The following FHIT variants were observed in gnomAD, a reference collection of about 807,000 sequenced individuals.
FHIT encodes bis(5'-adenosyl)-triphosphatase.
FHIT carries 19 observed loss-of-function variants against 17.9 expected under a neutral mutation model. That is an observed-to-expected ratio of 1.06 (90% confidence interval 0.74 to 1.56). The LOEUF is 1.56. Ranked by LOEUF, FHIT falls within the 40% of genes most tolerant of loss-of-function variation. The pLI is 0.00. For synonymous variants in FHIT, 81 were observed against 69.7 expected, an observed-to-expected ratio of 1.16 and a Z score of -0.81; for missense variants, 248 against 189.2, an observed-to-expected ratio of 1.31 and a Z score of -1.82.
At chr3:61,085,531 A>G (rs1308286538) in intron 2 of FHIT, among the ~76,000 whole-genome samples, 1 of 152,158 alleles carries the variant, frequency 6.6e-6, no homozygotes, top group African/African-American at 2.4e-5. Context: ...ATGCTTTATC[A>G]GATATGATTT....
At chr3:60,513,263 C>G (rs2035017353) in intron 5 of FHIT, among the ~76,000 whole-genome samples, 2 of 152,136 alleles carry the variant, frequency 1.3e-5, no homozygotes, top group African/African-American at 4.8e-5. Flanking sequence ...ACTGTTCTTT[C>G]AACTTTACTG....
intron 5 of FHIT, among the ~76,000 whole-genome samples, chr3:60,129,058 T>TTG (rs1328533442): frequency 2.2e-4 from 32 of 146,374 alleles, no homozygotes; most frequent in Non-Finnish European, 3.0e-5. Context: ...TGTTTGTTTT[T>TTG]TTTTTTTTTT....
At chr3:60,338,588 C>CA (rs1359120513) in intron 5 of FHIT, among the ~76,000 whole-genome samples, 1 of 151,940 alleles carries the variant, frequency 6.6e-6, no homozygotes, top group Non-Finnish European at 1.5e-5. Flanking sequence ...TGCTGCCTTC[C>CA]AAAAAAGAGT....
chr3:60,670,266 T>TA (rs1273539650), intron 4 of FHIT, among the ~76,000 whole-genome samples: 1 of 152,126 alleles, frequency 6.6e-6, no homozygotes, highest in Non-Finnish European at 1.5e-5. Flanking sequence ...TCTTGATAAG[T>TA]AAAAAATAGG....
chr3:61,170,039 A>G (rs2037957318), intron 2 of FHIT, among the ~76,000 whole-genome samples: 1 of 152,244 alleles, frequency 6.6e-6, no homozygotes, highest in Non-Finnish European at 1.5e-5. Flanking sequence ...TGCTAAAGCC[A>G]GGCTAGAAAG....
chr3:59,847,979 C>T (rs1043706795), intron 8 of FHIT, among the ~76,000 whole-genome samples: 4 of 152,112 alleles, frequency 2.6e-5, no homozygotes, highest in African/African-American at 9.7e-5. Flanking sequence ...CCTTTAAATT[C>T]CCTAGGAGTC....
At chr3:60,341,207 G>C (rs528770273) in intron 5 of FHIT, among the ~76,000 whole-genome samples, 6 of 152,090 alleles carry the variant, frequency 3.9e-5, no homozygotes, top group African/African-American at 7.2e-5. Flanking sequence ...GTTGTTTTGA[G>C]CTGGATATAT....
intron 6 of FHIT, 55 bp downstream of exon 6, chr3:60,013,952 A>T (rs1700237615): frequency 6.4e-7 from 1 of 1,567,932 alleles, no homozygotes; most frequent in South Asian, 1.1e-5. Context: ...GAGCAAGCCC[A>T]ATGCCGGGAT....
chr3:60,613,993 T>G (rs1474967692), intron 4 of FHIT, among the ~76,000 whole-genome samples: 2 of 151,436 alleles, frequency 1.3e-5, no homozygotes, highest in African/African-American at 2.4e-5. Context: ...TGGCAGAAAA[T>G]CAACAGAGCA....
chr3:60,612,608 C>T (rs192451716), intron 4 of FHIT, among the ~76,000 whole-genome samples: 31 of 152,226 alleles, frequency 2.0e-4, no homozygotes, highest in African/African-American at 6.0e-4. Context: ...TCACCCATTC[C>T]AAGTCTGAAG....
intron 8 of FHIT, among the ~76,000 whole-genome samples, chr3:59,768,287 C>G (rs1701900696): frequency 6.6e-6 from 1 of 152,180 alleles, no homozygotes; most frequent in Non-Finnish European, 1.5e-5. Context: ...ACTTACTGGT[C>G]CTGGACATGG....
intron 4 of FHIT, among the ~76,000 whole-genome samples, chr3:60,654,115 A>ATTTCCC (rs1553689010): frequency 2.1e-5 from 1 of 47,036 alleles, no homozygotes; most frequent in Non-Finnish European, 4.6e-5. Flanking sequence ...TTATGTGCCT[A>ATTTCCC]CTTCCCCTTC....
At chr3:59,915,791 G>C (rs140673977) in intron 8 of FHIT, among the ~76,000 whole-genome samples, 14 of 152,232 alleles carry the variant, frequency 9.2e-5, no homozygotes, top group African/African-American at 3.1e-4. Context: ...CATTAGCCAG[G>C]TGTGGTGGTA....
At chr3:59,793,588 A>C (rs1699658799) in intron 8 of FHIT, among the ~76,000 whole-genome samples, 1 of 152,162 alleles carries the variant, frequency 6.6e-6, no homozygotes, top group Admixed American at 6.6e-5. Context: ...CCTCCCCAGA[A>C]GCTCAGTCCT....
intron 5 of FHIT, among the ~76,000 whole-genome samples, chr3:60,213,673 A>G (rs1376627806): frequency 6.6e-6 from 1 of 152,194 alleles, no homozygotes; most frequent in Non-Finnish European, 1.5e-5. Flanking sequence ...TCTCCTAAAT[A>G]TATGCCCCAT....
At chr3:60,348,975 C>T (rs1314334318) in intron 5 of FHIT, among the ~76,000 whole-genome samples, 1 of 152,110 alleles carries the variant, frequency 6.6e-6, no homozygotes, top group African/African-American at 2.4e-5. Flanking sequence ...AGCACATTTG[C>T]CTAGGTGACC....
At chr3:61,023,133 A>T (rs1167171751) in intron 3 of FHIT, among the ~76,000 whole-genome samples, 1 of 152,242 alleles carries the variant, frequency 6.6e-6, no homozygotes, top group Non-Finnish European at 1.5e-5. Flanking sequence ...CTGATAAGCA[A>T]CTTCAGCAAA....
At chr3:60,017,913 T>C (rs1466478260) in intron 5 of FHIT, among the ~76,000 whole-genome samples, 1 of 152,216 alleles carries the variant, frequency 6.6e-6, no homozygotes, top group East Asian at 1.9e-4. Flanking sequence ...CTACACATGC[T>C]GTTTTGCTCT....
intron 5 of FHIT, among the ~76,000 whole-genome samples, chr3:60,107,150 C>CTTTT (rs540311961): frequency 5.8e-4 from 55 of 95,138 alleles, no homozygotes; most frequent in African/African-American, 1.5e-3. Context: ...AGCTTTAATT[C>CTTTT]TTTTTTTTTT....
Sources: allele counts gnomAD v4.1 joint callset (sites outside exome capture counted in the v4.1 genomes callset), GRCh38; gene constraint gnomAD v4.1.1; transcripts MANE v1.5; gene names NCBI Gene and HGNC (gene_info 2026-07-23, HGNC 2026-07-21).